The following MRAP2 variants were observed in gnomAD, a reference collection of about 807,000 sequenced individuals.
The protein encoded by MRAP2 is melanocortin 2 receptor accessory protein 2.
In MRAP2, 20 loss-of-function variants were observed where a neutral mutation model predicts 17.4. That is an observed-to-expected ratio of 1.15 (90% confidence interval 0.81 to 1.67). MRAP2 has a LOEUF of 1.67. MRAP2 is among the 40% of genes most tolerant of loss of function. The probability of loss-of-function intolerance (pLI) is 0.00; values close to 1 mark genes in which losing one functional copy is unlikely to be tolerated. For missense variants in MRAP2, 238 were observed against 240.0 expected (o/e 0.99, Z 0.05); for synonymous variants, 96 against 88.4 (o/e 1.09, Z -0.48).
chr6:84,138,949 T>C, the MRAP2 span, among the ~76,000 whole-genome samples: 14 of 152,140 alleles, frequency 9.2e-5, no homozygotes, highest in Admixed American at 5.2e-4. Context: ...AATTGTAGAG[T>C]GTTTTTACAT....
intron 1 of MRAP2, among the ~76,000 whole-genome samples, chr6:84,048,872 G>C (rs2099489694): frequency 6.6e-6 from 1 of 152,182 alleles, no homozygotes; most frequent in Non-Finnish European, 1.5e-5. Context: ...TGCTATGCTT[G>C]ATTAGCATGA....
chr6:84,129,807 GAC>G, the MRAP2 span, among the ~76,000 whole-genome samples: 1 of 152,152 alleles, frequency 6.6e-6, no homozygotes, highest in East Asian at 1.9e-4. Flanking sequence ...TCTGCAAACA[GAC>G]ACACTTTGAC....
At chr6:84,042,597 G>A (rs994684794) in intron 1 of MRAP2, among the ~76,000 whole-genome samples, 3 of 152,226 alleles carry the variant, frequency 2.0e-5, no homozygotes, top group Non-Finnish European at 2.9e-5. Flanking sequence ...CAAGCTGAGG[G>A]ACACTATATT....
the MRAP2 span, among the ~76,000 whole-genome samples, chr6:84,096,199 A>C: frequency 8.5e-5 from 13 of 152,200 alleles, no homozygotes; most frequent in Admixed American, 5.2e-4. Context: ...TATGTATAGG[A>C]GATTTTAACC....
chr6:84,106,422 G>A, the MRAP2 span, among the ~76,000 whole-genome samples: 4 of 152,144 alleles, frequency 2.6e-5, no homozygotes, highest in African/African-American at 9.7e-5. Context: ...CCTGCCACCA[G>A]GTAGCTGACT....
At chr6:84,132,096 T>TA in the MRAP2 span, among the ~76,000 whole-genome samples, 1 of 152,212 alleles carries the variant, frequency 6.6e-6, no homozygotes, top group African/African-American at 2.4e-5. Context: ...CTCCTTCACT[T>TA]ACGAAGCTTA....
chr6:84,043,072 A>T (rs564737876), intron 1 of MRAP2, among the ~76,000 whole-genome samples: 1 of 152,382 alleles, frequency 6.6e-6, no homozygotes, highest in East Asian at 1.9e-4. Flanking sequence ...TCATCCTCAC[A>T]GTGATTTAAG....
Position 84,089,221 on chromosome 6 carries a change from A to T in MRAP2, c.358A>T (p.Ile120Phe). ...GTCCAGGTCTCTCTTTCACTGCTAC[A>T]TCAATGAGGTGGAACGCTTGGACAG... ...EESRSLFHCY[I>F]NEVERLDRAK... is the part of the protein sequence containing the mutation. Residue 120 changes from isoleucine (I) to phenylalanine (F), a missense_variant, in exon 4 of 4, where the codon ATC becomes TTC. Coordinates refer to ENST00000257776, the MANE Select transcript of MRAP2 (RefSeq NM_138409.4). 1 of 1,614,200 alleles carries T rather than the reference A, an allele frequency of 6.2e-7. No individual in the cohort carries two copies. Among genetic ancestry groups the T allele is most frequent in the Non-Finnish European group, 8.5e-7 (1 of 1,180,048 alleles).
the MRAP2 span, among the ~76,000 whole-genome samples, chr6:84,124,081 T>G: frequency 1.3e-5 from 2 of 151,824 alleles, no homozygotes; most frequent in Non-Finnish European, 2.9e-5. Flanking sequence ...TGTCAATGTG[T>G]AGAAAAGGGA....
chr6:84,111,361 G>T, the MRAP2 span, among the ~76,000 whole-genome samples: 2 of 151,950 alleles, frequency 1.3e-5, no homozygotes, highest in Non-Finnish European at 2.9e-5. Context: ...TATTCTCTTT[G>T]TAGCAATTGT....
chr6:84,064,511 G>A (rs1051491941), intron 3 of MRAP2, among the ~76,000 whole-genome samples: 3 of 151,752 alleles, frequency 2.0e-5, no homozygotes, highest in African/African-American at 7.3e-5. Context: ...TTTTTGAGAC[G>A]GAGTCTTGCT....
At chr6:84,117,850 C>G in the MRAP2 span, among the ~76,000 whole-genome samples, 2 of 152,216 alleles carry the variant, frequency 1.3e-5, no homozygotes, top group African/African-American at 4.8e-5. Flanking sequence ...GCCCCTTCCT[C>G]TGGAAGCTTC....
chr6:84,143,719 C>T, the MRAP2 span, among the ~76,000 whole-genome samples: 2 of 151,832 alleles, frequency 1.3e-5, no homozygotes, highest in African/African-American at 4.8e-5. Flanking sequence ...TAAAAATGAG[C>T]CTTAATGTCA....
the MRAP2 span, among the ~76,000 whole-genome samples, chr6:84,101,394 T>C: frequency 6.6e-6 from 1 of 152,192 alleles, no homozygotes; most frequent in Admixed American, 6.5e-5. Flanking sequence ...AATACAGAAA[T>C]TGTTTTAGCA....
At chr6:84,035,319 G>T in intron 1 of MRAP2, 1 of 565,418 alleles carries the variant, frequency 1.8e-6, no homozygotes, top group Non-Finnish European at 2.2e-6. Flanking sequence ...ATTGAATCCT[G>T]GCAACATTCT....
the MRAP2 span, among the ~76,000 whole-genome samples, chr6:84,111,318 C>G: frequency 3.9e-5 from 6 of 152,138 alleles, no homozygotes; most frequent in Admixed American, 6.6e-5. Context: ...AGCAGTCCTT[C>G]AGATCCCTTG....
chr6:84,140,498 C>CATGG, the MRAP2 span, among the ~76,000 whole-genome samples: 2 of 152,062 alleles, frequency 1.3e-5, no homozygotes, highest in African/African-American at 2.4e-5. Flanking sequence ...CTCCGGCAAC[C>CATGG]ATGGTTAAGC....
chr6:84,125,078 CT>C, the MRAP2 span: 1 of 1,610,844 alleles, frequency 6.2e-7, no homozygotes, highest in Non-Finnish European at 8.5e-7. Flanking sequence ...TATTAATACT[CT>C]GGTGCATTCA....
At chr6:84,112,624 A>G in the MRAP2 span, among the ~76,000 whole-genome samples, 372 of 152,108 alleles carry the variant, frequency 2.4e-3, no homozygotes, top group Non-Finnish European at 4.1e-3. Flanking sequence ...ATCTGATCTT[A>G]GTTATTTCTT....
Sources: allele counts gnomAD v4.1 joint callset (sites outside exome capture counted in the v4.1 genomes callset), GRCh38; gene constraint gnomAD v4.1.1; transcripts MANE v1.5; gene names NCBI Gene and HGNC (gene_info 2026-07-23, HGNC 2026-07-21).